Variants in ROCK2 observed in about 807,000 individuals in gnomAD.
ROCK2 encodes the protein rho-associated protein kinase 2.
A neutral mutation model predicts 195.1 loss-of-function variants in ROCK2; 61 were observed. That is an observed-to-expected ratio of 0.31 (90% CI 0.25 to 0.39). The LOEUF (loss-of-function observed/expected upper bound fraction) is 0.39. Among genes scored for constraint, ROCK2 ranks in the 10% least tolerant of loss-of-function variants. The pLI is 1.00. For synonymous variants in ROCK2, 504 were observed against 545.5 expected, an observed-to-expected ratio of 0.92 and a Z score of 1.06; for missense variants, 1,109 against 1,637.4, an observed-to-expected ratio of 0.68 and a Z score of 5.57.
rs753099518 is a variant in ROCK2, at chr2:11,208,276, T to C, written c.2364+11A>G. 1 of 1,381,724 alleles carries C rather than the reference T, an allele frequency of 7.2e-7. No individual in the cohort carries two copies. The highest frequency in any genetic ancestry group is 9.6e-7 in the Non-Finnish European group (1 of 1,042,684). The allele number at this position is 1,381,724 out of a possible 1,614,324, so 85.6% of individuals were successfully genotyped here. On this transcript the variant is annotated intron_variant, in intron 19 of 32. Transcript: ENST00000315872. ...AGTTTATTATTAATCATTAGTACAC[T>C]TAATACTTACATCCTCATTTAGCAC... is the stretch of plus-strand genomic sequence containing the variant.
At chr2:11,332,413 A>G (rs560990553) in intron 1 of ROCK2, among the ~76,000 whole-genome samples, 1 of 152,298 alleles carries the variant, frequency 6.6e-6, no homozygotes, top group Non-Finnish European at 1.5e-5. Flanking sequence ...TGATTACCGT[A>G]TTATTTCCTA....
chr2:11,192,014 A>C lies in ROCK2; in HGVS notation c.4163+134T>G. 1.6e-6 allele frequency: 1 copy of C among 634,494 alleles called. No homozygotes were observed. Among genetic ancestry groups the C allele is most frequent in the Non-Finnish European group, 2.7e-6 (1 of 368,456 alleles). The allele number at this position is 634,494 out of a possible 1,614,324, so 39.3% of individuals were successfully genotyped here. ...ATGACATGCACATTAAGACAGTTCCAACATTTGGTATTCCATAGTTAACTA... is the reference window on the plus strand; with the variant it reads ...ATGACATGCACATTAAGACAGTTCCCACATTTGGTATTCCATAGTTAACTA... On this transcript the variant is annotated intron_variant, in intron 32 of 32. Transcript: ENST00000315872. This position sits in a 1 kb window ranked among gnomAD's most constrained non-coding sequence, Gnocchi z 5.0.
At chr2:11,258,605 G>A (rs1666116635) in intron 3 of ROCK2, among the ~76,000 whole-genome samples, 1 of 151,120 alleles carries the variant, frequency 6.6e-6, no homozygotes, top group Non-Finnish European at 1.5e-5. Context: ...GACAGCCAAG[G>A]GGAAGAAAAC....
intron 18 of ROCK2, among the ~76,000 whole-genome samples, chr2:11,209,348 T>C (rs1053433270): frequency 2.6e-5 from 4 of 152,186 alleles, no homozygotes; most frequent in African/African-American, 9.7e-5. Context: ...AGGGAGGTTG[T>C]GAAGATTTAA....
chr2:11,233,483 T>G (rs1411298372), intron 5 of ROCK2, among the ~76,000 whole-genome samples: 1 of 152,164 alleles, frequency 6.6e-6, no homozygotes, highest in East Asian at 1.9e-4. Flanking sequence ...TGTAGTAGTT[T>G]CACTTCTATG....
At chr2:11,278,012 AG>A (rs1336194620) in intron 3 of ROCK2, among the ~76,000 whole-genome samples, 3 of 152,326 alleles carry the variant, frequency 2.0e-5, no homozygotes, top group Non-Finnish European at 2.9e-5. Flanking sequence ...GGTGTTTTGA[AG>A]TAAGTATATG....
intron 3 of ROCK2, among the ~76,000 whole-genome samples, chr2:11,252,153 G>C (rs369851769): frequency 6.6e-6 from 1 of 152,198 alleles, no homozygotes; most frequent in South Asian, 2.1e-4. Context: ...GCTCACGCCT[G>C]TAAACCCAGC....
rs1451197066 is a variant in ROCK2 at position 11,200,880 on chromosome 2, T to C, written c.2910+77A>G. The C allele has an allele frequency of 4.0e-6, 5 of 1,251,622 alleles. No individual in the cohort carries two copies. In the African/African-American group the frequency reaches 6.1e-5, roughly 15 times the overall value. 77.5% of individuals were successfully genotyped at this position (1,251,622 alleles called of 1,614,324 possible). A position where few individuals can be genotyped will look rare whatever the true frequency, so the allele number is the denominator to read the frequency against. On this transcript the variant is annotated intron_variant, in intron 23 of 32. Coordinates refer to ENST00000315872, the MANE Select transcript of ROCK2 (RefSeq NM_004850.5). Reference sequence around the variant, plus strand: ...TATAATTTTTCATTTAGATCTGTGATACTTAGTATGTCTAAAGAAGGTTTA... The same window carrying C: ...TATAATTTTTCATTTAGATCTGTGACACTTAGTATGTCTAAAGAAGGTTTA...
chr2:11,201,019 T>C lies in ROCK2; in HGVS notation c.2848A>G (p.Ile950Val), dbSNP rs1398894342. 1 of 1,613,362 alleles carries C rather than the reference T, an allele frequency of 6.2e-7. No individual in the cohort carries two copies. Among genetic ancestry groups the C allele is most frequent in the Non-Finnish European group, 8.5e-7 (1 of 1,179,800 alleles). The part of the protein sequence containing the change: ...EKEKIMKELE[I>V]KEMMARHKQE... Reference sequence around the variant, plus strand: ...TTGTGTCTAGCCATCATCTCTTTGATCTCCAGCTCTTTCATGATCTTCTCT... The same window carrying C: ...TTGTGTCTAGCCATCATCTCTTTGACCTCCAGCTCTTTCATGATCTTCTCT... Residue 950 changes from isoleucine (I) to valine (V), a missense_variant, in exon 23 of 33, where the codon ATC (isoleucine) becomes GTC (valine). Ile to Val is a conservative substitution (Grantham distance 29). This residue lies in a region of ROCK2 where 542 missense variants were observed against 672.0 expected (regional missense o/e 0.81). Transcript: ENST00000315872. The surrounding 1 kb of genome is among the most constrained non-coding windows in gnomAD (Gnocchi z 4.6).
chr2:11,261,724 G>A (rs1666233813), intron 3 of ROCK2, among the ~76,000 whole-genome samples: 1 of 152,176 alleles, frequency 6.6e-6, no homozygotes. Context: ...AGCTGAGGCA[G>A]GAGAATCGCT....
chr2:11,304,550 T>G lies in ROCK2; in HGVS notation c.142-16814A>C, dbSNP rs1572385658. Among the ~76,000 whole-genome samples, 5 of 152,326 alleles carry G rather than the reference T, an allele frequency of 3.3e-5. 1 individual carries two copies. In the South Asian group the frequency reaches 1.0e-3, roughly 32 times the overall value. On this transcript the variant is annotated intron_variant, in intron 1 of 32. Coordinates refer to ENST00000315872, the MANE Select transcript of ROCK2 (RefSeq NM_004850.5). The stretch of plus-strand genomic sequence containing the variant: ...CCATTAGGTCTTCTTGCTTCCAACT[T>G]TGCCTTCTCTCTCTTCTTAGAATAT...
intron 3 of ROCK2, among the ~76,000 whole-genome samples, chr2:11,250,652 T>C (rs1234377322): frequency 6.6e-6 from 1 of 152,222 alleles, no homozygotes; most frequent in Non-Finnish European, 1.5e-5. Context: ...TTCATCCTTC[T>C]AGTTGCTCTA....
intron 3 of ROCK2, among the ~76,000 whole-genome samples, chr2:11,281,240 CATG>C (rs1666992899): frequency 7.2e-6 from 1 of 139,544 alleles, no homozygotes; most frequent in South Asian, 2.3e-4. Flanking sequence ...AACCTCAGTA[CATG>C]AAGAATAGAG....
chr2:11,306,894 G>T (rs960464536), intron 1 of ROCK2, among the ~76,000 whole-genome samples: 7 of 152,146 alleles, frequency 4.6e-5, no homozygotes, highest in Non-Finnish European at 1.0e-4. Flanking sequence ...TGACAGAGAG[G>T]AATTAACTAT....
chr2:11,210,327 T>C (rs1008217139), intron 18 of ROCK2, among the ~76,000 whole-genome samples: 40 of 151,596 alleles, frequency 2.6e-4, no homozygotes, highest in Middle Eastern at 3.4e-3. Context: ...AATAGTCCTT[T>C]TTTTTTTTTT....
intron 3 of ROCK2, among the ~76,000 whole-genome samples, chr2:11,252,129 G>T (rs1665850923): frequency 6.6e-6 from 1 of 152,138 alleles, no homozygotes; most frequent in African/African-American, 2.4e-5. Context: ...TAGAACCAGA[G>T]GCCAGGCATG....
chr2:11,198,990 T>G (rs1663748195), intron 23 of ROCK2, among the ~76,000 whole-genome samples: 1 of 150,252 alleles, frequency 6.7e-6, no homozygotes, highest in African/African-American at 2.4e-5. Context: ...AACCTCCGCC[T>G]CCTGGGTTCA....
In ROCK2 at chr2:11,312,166, C is replaced by G. The variant is rs994922001; in HGVS notation, c.142-24430G>C. On this transcript the variant is annotated intron_variant, in intron 1 of 32. Coordinates refer to ENST00000315872, the MANE Select transcript of ROCK2 (RefSeq NM_004850.5). ...TAGGTGAAATTAAATGGCTTTATTA[C>G]AGTTATTCTCAATAAATTAACAAAT... Among the ~76,000 whole-genome samples, 5 of 152,220 alleles carry G rather than the reference C, an allele frequency of 3.3e-5. No homozygotes were observed. The South Asian group carries it at 8.3e-4, about 25-fold the overall frequency.
chr2:11,237,842 C>A (rs987381184), intron 4 of ROCK2, among the ~76,000 whole-genome samples: 1 of 152,180 alleles, frequency 6.6e-6, no homozygotes, highest in Non-Finnish European at 1.5e-5. Flanking sequence ...TTTTGGGAGG[C>A]CGAGGCAGGC....
Sources: allele counts gnomAD v4.1 joint callset (sites outside exome capture counted in the v4.1 genomes callset), GRCh38; gene constraint gnomAD v4.1.1; regional missense constraint gnomAD v4.1.1; non-coding constraint Gnocchi (gnomAD v3.1); transcripts MANE v1.5; gene names NCBI Gene and HGNC (gene_info 2026-07-23, HGNC 2026-07-21).